Variants in TNRC18 observed in about 807,000 individuals in gnomAD.
The protein encoded by TNRC18 is trinucleotide repeat containing 18, also known as trinucleotide repeat-containing gene 18 protein.
TNRC18 carries 69 observed loss-of-function variants against 226.7 expected under a neutral mutation model. The ratio of observed to expected loss-of-function variants is 0.30; its 90% CI spans 0.25 to 0.37. The LOEUF is 0.37. Ranked by LOEUF, TNRC18 falls within the 10% of genes least tolerant of loss-of-function variation. TNRC18 has a pLI of 1.00. For synonymous variants in TNRC18, 2,449 were observed against 1,927.6 expected, an observed-to-expected ratio of 1.27 and a Z score of -7.09; for missense variants, 4,754 against 4,256.6, an observed-to-expected ratio of 1.12 and a Z score of -3.25.
chr7:5,377,498 C>T lies in TNRC18; in HGVS notation c.2334G>A (p.Met778Ile). 1 of 1,585,672 alleles carries T rather than the reference C, an allele frequency of 6.3e-7. No individual in the cohort carries two copies. Among genetic ancestry groups the T allele is most frequent in the Non-Finnish European group, 8.6e-7 (1 of 1,166,694 alleles). The change falls in exon 7 of 30, where the codon ATG (methionine) becomes ATA (isoleucine). Residue 778 changes from methionine (M) to isoleucine (I), a missense_variant. Met to Ile is a conservative substitution (Grantham distance 10). Coordinates refer to ENST00000430969, the MANE Select transcript of TNRC18 (RefSeq NM_001080495.3). The surrounding 1 kb of genome is among the most constrained non-coding windows in gnomAD (Gnocchi z 5.8). ...CCGCCAGCGCCGGGCCCCCCGTCAC[C>T]ATGAGGTTGGGGTTCAGGCCGTTAG... is the stretch of plus-strand genomic sequence containing the variant. ...CAPNGLNPNL[M>I]VTGGPALAGS...
chr7:5,360,232 TTTATTTAA>T (rs1170617517), intron 14 of TNRC18, among the ~76,000 whole-genome samples: 3 of 150,466 alleles, frequency 2.0e-5, no homozygotes, highest in Admixed American at 1.3e-4. Context: ...TATTTATTTA[TTTATTTAA>T]TTTATTTTTA....
intron 18 of TNRC18, among the ~76,000 whole-genome samples, chr7:5,333,869 G>A (rs1456748108): frequency 6.6e-6 from 1 of 152,116 alleles, no homozygotes; most frequent in Non-Finnish European, 1.5e-5. Context: ...CCACACCTTC[G>A]CATTTCTGTC....
intron 19 of TNRC18, among the ~76,000 whole-genome samples, chr7:5,330,218 C>T (rs539426132): frequency 6.6e-6 from 1 of 152,178 alleles, no homozygotes; most frequent in South Asian, 2.1e-4. Context: ...AGGAATGAGC[C>T]ACTGCAAACA....
chr7:5,409,543 T>G (rs559218369), intron 2 of TNRC18, among the ~76,000 whole-genome samples: 1 of 151,624 alleles, frequency 6.6e-6, no homozygotes, highest in African/African-American at 2.4e-5. Flanking sequence ...GAGCAGTGAT[T>G]GCACCACTGA....
intron 27 of TNRC18, among the ~76,000 whole-genome samples, chr7:5,310,386 C>T (rs552310433): frequency 1.8e-4 from 27 of 152,190 alleles, no homozygotes; most frequent in East Asian, 1.2e-3. Flanking sequence ...TGCACCACCA[C>T]GCCTGGCTAA....
Position 5,376,240 on chromosome 7 carries a change from C to T in TNRC18, c.2609-16G>A, listed in dbSNP as rs759682189. The T allele has an allele frequency of 4.8e-6, 7 of 1,467,668 alleles. No homozygotes were observed. In the African/African-American group the frequency reaches 7.1e-5, roughly 15 times the overall value. 90.9% of individuals were successfully genotyped at this position (1,467,668 alleles called of 1,614,324 possible). A position where few individuals can be genotyped will look rare whatever the true frequency, so the allele number is the denominator to read the frequency against. The stretch of plus-strand genomic sequence containing the variant: ...ATCAGCTCCGCTGCAGGGACAGAGA[C>T]AGTGCGCTGCACCTGCGGCCTGATG... On this transcript the variant is annotated splice_polypyrimidine_tract_variant and intron_variant, in intron 8 of 29. Transcript: ENST00000430969.
At chr7:5,364,469 AC>A (rs1793411553) in intron 11 of TNRC18, among the ~76,000 whole-genome samples, 1 of 27,456 alleles carries the variant, frequency 3.6e-5, no homozygotes, top group Non-Finnish European at 9.6e-5. Context: ...GAAAACACAC[AC>A]ACACACACAC....
At chr7:5,416,099 AAG>A (rs1380979477) in intron 2 of TNRC18, among the ~76,000 whole-genome samples, 4 of 118,758 alleles carry the variant, frequency 3.4e-5, no homozygotes, top group African/African-American at 1.3e-4. Context: ...GCGACAGAGC[AAG>A]ACTCTCTCGC....
chr7:5,333,811 C>T (rs933974079), intron 18 of TNRC18, among the ~76,000 whole-genome samples: 1 of 152,208 alleles, frequency 6.6e-6, no homozygotes, highest in Non-Finnish European at 1.5e-5. Flanking sequence ...ACCCACCCCA[C>T]AACCCGGGAA....
chr7:5,404,531 C>T (rs1226901408), intron 2 of TNRC18, among the ~76,000 whole-genome samples: 3 of 152,054 alleles, frequency 2.0e-5, no homozygotes, highest in East Asian at 1.9e-4. Flanking sequence ...TTGTGGAGGG[C>T]GCTGGGTGGT....
intron 24 of TNRC18, 83 bp from the exon 25 acceptor site, chr7:5,316,155 G>T (rs1241173276): frequency 2.9e-6 from 3 of 1,030,366 alleles, no homozygotes; most frequent in African/African-American, 3.2e-5. Flanking sequence ...GGCAGAAACC[G>T]GCCCCTGTGC....
rs1210292680 is a variant in TNRC18, at chr7:5,370,861, G to C, written c.3733C>G (p.Leu1245Val). Residue 1245 changes from leucine (L) to valine (V), a missense_variant, in exon 11 of 30, where the codon CTG (leucine) becomes GTG (valine). Coordinates refer to ENST00000430969, the MANE Select transcript of TNRC18 (RefSeq NM_001080495.3). ...RTEPCTAALDLGVQLTPETLV... is the reference protein window; with the variant it reads ...RTEPCTAALDVGVQLTPETLV... ...GTCTCGGGTGTCAGCTGCACCCCCA[G>C]GTCCAGGGCGGCGGTGCAGGGTTCT... is the stretch of plus-strand genomic sequence containing the variant. 6.2e-7 allele frequency: 1 copy of C among 1,608,514 alleles called. No individual in the cohort carries two copies. The highest frequency in any genetic ancestry group is 2.2e-5 in the East Asian group (1 of 44,884).
intron 3 of TNRC18, among the ~76,000 whole-genome samples, chr7:5,393,622 G>A (rs1780456543): frequency 6.6e-6 from 1 of 152,084 alleles, no homozygotes; most frequent in Admixed American, 6.5e-5. Flanking sequence ...GGAGGAAGGA[G>A]GAAGGAGGGA....
rs190069094 is a variant in TNRC18, at chr7:5,359,101, C to T, written c.4833+297G>A. On this transcript the variant is annotated intron_variant, in intron 15 of 29. Coordinates refer to ENST00000430969, the MANE Select transcript of TNRC18 (RefSeq NM_001080495.3). ...AGCAATTGTATTACTTGGTTAAGAA[C>T]TTGTGTCTCTCCTTGGCTTTAGCAA... Among the ~76,000 whole-genome samples, 96 of 152,286 alleles carry T rather than the reference C, an allele frequency of 6.3e-4. 1 individual carries two copies. The highest frequency in any genetic ancestry group is 1.0e-3 in the South Asian group (5 of 4,830).
chr7:5,373,309 A>G (rs906870428), intron 10 of TNRC18, among the ~76,000 whole-genome samples: 2 of 152,170 alleles, frequency 1.3e-5, no homozygotes, highest in African/African-American at 4.8e-5. Context: ...GGGGCAACAG[A>G]GTGAGGATCC....
At chr7:5,392,915 G>A (rs1434506210) in intron 3 of TNRC18, among the ~76,000 whole-genome samples, 1 of 152,172 alleles carries the variant, frequency 6.6e-6, no homozygotes, top group African/African-American at 2.4e-5. Flanking sequence ...AGGAGGCTGA[G>A]GTGGGAGAAT....
At chr7:5,349,773 T>C (rs1562527961) in intron 17 of TNRC18, among the ~76,000 whole-genome samples, 1 of 152,126 alleles carries the variant, frequency 6.6e-6, no homozygotes, top group African/African-American at 2.4e-5. Flanking sequence ...GTCGGGCTGC[T>C]GGAAGAAGCA....
rs1319173697 is a variant in TNRC18 at position 5,394,142 on chromosome 7, C to G, written c.343+298G>C. 6.6e-6 allele frequency among the ~76,000 whole-genome samples: 1 copy of G among 152,138 alleles called. No homozygotes were observed. Among genetic ancestry groups the G allele is most frequent in the Non-Finnish European group, 1.5e-5 (1 of 68,020 alleles). ...TGAATGATGAGATAATCTGTCGTCA[C>G]AAGCAAGTGATGGAAGTGGGTGCGG... On this transcript the variant is annotated intron_variant, in intron 3 of 29. Coordinates refer to ENST00000430969, the MANE Select transcript of TNRC18 (RefSeq NM_001080495.3). The surrounding 1 kb of genome is among the most constrained non-coding windows in gnomAD (Gnocchi z 4.5).
intron 2 of TNRC18, among the ~76,000 whole-genome samples, chr7:5,419,292 C>A (rs975916066): frequency 1.3e-5 from 2 of 152,256 alleles, no homozygotes; most frequent in African/African-American, 2.4e-5. Context: ...CTTTGCCTTG[C>A]CAGGCCGGAG....
Sources: allele counts gnomAD v4.1 joint callset (sites outside exome capture counted in the v4.1 genomes callset), GRCh38; gene constraint gnomAD v4.1.1; non-coding constraint Gnocchi (gnomAD v3.1); transcripts MANE v1.5; gene names NCBI Gene and HGNC (gene_info 2026-07-23, HGNC 2026-07-21).